Variants in TLL1 observed in about 807,000 individuals in gnomAD.
The protein encoded by TLL1 is tolloid-like protein 1.
Under a neutral mutation model 128.2 loss-of-function variants are expected in TLL1, and 49 were observed. That is an observed-to-expected ratio of 0.38 (90% CI 0.30 to 0.48). TLL1 has a LOEUF of 0.48. Among genes scored for constraint, TLL1 ranks in the 20% least tolerant of loss-of-function variants. The pLI, the probability that TLL1 is intolerant of heterozygous loss-of-function variation, is 0.96. For missense variants in TLL1, 1,123 were observed against 1,242.0 expected (o/e 0.90, Z 1.44); for synonymous variants, 454 against 418.8 (o/e 1.08, Z -1.03).
chr4:165,881,769 T>A (rs1730977757), intron 1 of TLL1, among the ~76,000 whole-genome samples: 1 of 152,168 alleles, frequency 6.6e-6, no homozygotes, highest in South Asian at 2.1e-4. Context: ...GGGGAGACAA[T>A]GCTGTATGTA....
chr4:166,060,263 A>T, intron 15 of TLL1, 75 bp downstream of exon 15: 1 of 1,486,906 alleles, frequency 6.7e-7, no homozygotes, highest in Non-Finnish European at 9.3e-7. Flanking sequence ...AATTAAAAAA[A>T]AAAAAGATGT....
chr4:165,936,337 A>C (rs2110915210), intron 1 of TLL1, among the ~76,000 whole-genome samples: 1 of 149,696 alleles, frequency 6.7e-6, no homozygotes, highest in East Asian at 2.0e-4. Flanking sequence ...CTCCTGCCTC[A>C]GCCTCCCAAG....
chr4:165,968,355 T>TAAAC (rs1735485823), intron 1 of TLL1, among the ~76,000 whole-genome samples: 2 of 152,194 alleles, frequency 1.3e-5, no homozygotes, highest in African/African-American at 2.4e-5. Context: ...AACAAACTGC[T>TAAAC]TGTTGTCCAA....
intron 1 of TLL1, among the ~76,000 whole-genome samples, chr4:165,885,620 G>C (rs1237340589): frequency 6.6e-6 from 1 of 152,066 alleles, no homozygotes; most frequent in African/African-American, 2.4e-5. Context: ...CTACCAAAGA[G>C]TAGCAAGGTA....
chr4:166,024,675 C>T (rs536643253), intron 8 of TLL1, among the ~76,000 whole-genome samples: 11 of 151,998 alleles, frequency 7.2e-5, no homozygotes, highest in African/African-American at 1.2e-4. Flanking sequence ...ACAAGCTTAG[C>T]AAGAGGAAAA....
Position 166,099,346 on chromosome 4 carries a change from A to G in TLL1, c.2726A>G (p.Asn909Ser), listed in dbSNP as rs766016252. 3 of 1,613,500 alleles carry G rather than the reference A, an allele frequency of 1.9e-6. No homozygotes were observed. In the South Asian group the frequency reaches 3.3e-5, roughly 18 times the overall value. ...DLYSHAQFGD[N>S]NYPGQVDCEW... ...TACTCACATGCTCAGTTTGGTGATA[A>G]CAACTACCCAGGACAGGTTGACTGT... The change falls in exon 20 of 21, where the codon AAC (asparagine) becomes AGC (serine). Residue 909 changes from asparagine (N) to serine (S), a missense_variant. This residue lies in a region of TLL1 where 634 missense variants were observed against 672.4 expected (regional missense o/e 0.94). Coordinates refer to ENST00000061240, the MANE Select transcript of TLL1 (RefSeq NM_012464.5).
At chr4:165,881,271 A>G (rs1418214016) in intron 1 of TLL1, among the ~76,000 whole-genome samples, 1 of 152,316 alleles carries the variant, frequency 6.6e-6, no homozygotes, top group East Asian at 1.9e-4. Context: ...AAGTCTCTTC[A>G]TGGCTCACAT....
intron 19 of TLL1, among the ~76,000 whole-genome samples, chr4:166,094,067 C>G (rs1295682482): frequency 2.0e-5 from 3 of 152,130 alleles, no homozygotes; most frequent in Non-Finnish European, 2.9e-5. Context: ...ATAGTCTGAT[C>G]TCTCTTTCTT....
At chr4:165,992,108 C>G (rs1350348638) in intron 2 of TLL1, among the ~76,000 whole-genome samples, 1 of 151,914 alleles carries the variant, frequency 6.6e-6, no homozygotes, top group Non-Finnish European at 1.5e-5. Context: ...TTGCCTTATT[C>G]CTACCGTTTC....
intron 1 of TLL1, among the ~76,000 whole-genome samples, chr4:165,982,698 A>G (rs1736204137): frequency 6.6e-6 from 1 of 151,186 alleles, no homozygotes; most frequent in Non-Finnish European, 1.5e-5. Flanking sequence ...TGTGTGAAGA[A>G]ATGACCTTCC....
intron 19 of TLL1, 48 bp from the exon 20 acceptor site, chr4:166,099,229 C>T (rs375845359): frequency 1.2e-5 from 20 of 1,612,272 alleles, no homozygotes; most frequent in African/African-American, 1.2e-4. Flanking sequence ...AAATTGGACC[C>T]GTTAAAGCTC....
intron 1 of TLL1, among the ~76,000 whole-genome samples, chr4:165,974,131 A>ATTTTTTTTT (rs1735759298): frequency 3.7e-5 from 2 of 53,876 alleles, no homozygotes; most frequent in African/African-American, 8.0e-5. Flanking sequence ...CCTGGACCTC[A>ATTTTTTTTT]TCTTTTTTTT....
At chr4:166,097,388 A>G (rs752735746) in intron 19 of TLL1, among the ~76,000 whole-genome samples, 18 of 152,084 alleles carry the variant, frequency 1.2e-4, no homozygotes, top group Middle Eastern at 3.2e-3. Flanking sequence ...TGGCACCTCT[A>G]TCAGTAGGTT....
intron 1 of TLL1, among the ~76,000 whole-genome samples, chr4:165,893,652 C>A (rs1413397274): frequency 3.3e-5 from 5 of 152,124 alleles, no homozygotes; most frequent in Non-Finnish European, 7.4e-5. Flanking sequence ...GAGGAAATAA[C>A]TACCAAAAGA....
At chr4:165,958,092 T>C (rs1218176628) in intron 1 of TLL1, among the ~76,000 whole-genome samples, 2 of 147,758 alleles carry the variant, frequency 1.4e-5, no homozygotes, top group African/African-American at 2.5e-5. Flanking sequence ...TGCCACATTT[T>C]CTTAATCCAG....
At chr4:165,904,055 T>C (rs1732137552) in intron 1 of TLL1, among the ~76,000 whole-genome samples, 1 of 152,206 alleles carries the variant, frequency 6.6e-6, no homozygotes, top group Non-Finnish European at 1.5e-5. Context: ...ATATCTTTTG[T>C]TATTTTGTAA....
In TLL1 at chr4:165,957,778, C is replaced by T. The variant is rs538203566; in HGVS notation, c.170-31603C>T. On this transcript the variant is annotated intron_variant, in intron 1 of 20. Transcript: ENST00000061240. ...GCACAATGTGCCAGTTAGTTACATA[C>T]GTATACATGTGCCATGCTGGTGTGC... Among the ~76,000 whole-genome samples, 316 of 150,106 alleles carry T rather than the reference C, an allele frequency of 2.1e-3. 3 individuals carry two copies. The highest frequency in any genetic ancestry group is 0.014 in the Middle Eastern group (4 of 290).
chr4:165,968,815 T>A (rs534230687), intron 1 of TLL1, among the ~76,000 whole-genome samples: 2 of 152,300 alleles, frequency 1.3e-5, no homozygotes, highest in South Asian at 4.1e-4. Context: ...TCTCCCATTC[T>A]GTGATTGTAG....
intron 1 of TLL1, among the ~76,000 whole-genome samples, chr4:165,967,172 C>T (rs1340369085): frequency 6.6e-6 from 1 of 152,180 alleles, no homozygotes; most frequent in African/African-American, 2.4e-5. Context: ...CTGTCTGGCC[C>T]CTCGGGCAGT....
Sources: gnomAD v4.1 joint callset for allele counts (sites outside exome capture counted in the v4.1 genomes callset) on GRCh38, gnomAD v4.1.1 for gene constraint, gnomAD v4.1.1 regional missense constraint, MANE v1.5 for transcripts, NCBI Gene and HGNC (gene_info 2026-07-23, HGNC 2026-07-21) for gene names.